SSBP2: variants seen among roughly 807,000 people sequenced by gnomAD.
The protein encoded by SSBP2 is single stranded DNA binding protein 2.
SSBP2 carries 17 observed loss-of-function variants against 61.8 expected under a neutral mutation model. That is an observed-to-expected ratio of 0.28 (90% confidence interval 0.19 to 0.41). The LOEUF (loss-of-function observed/expected upper bound fraction) is 0.41. Among genes scored for constraint, SSBP2 ranks in the 10% least tolerant of loss-of-function variants. The pLI, the probability that SSBP2 is intolerant of heterozygous loss-of-function variation, is 1.00. For synonymous variants in SSBP2, 139 were observed against 141.3 expected (o/e 0.98, Z 0.12); for missense variants, 310 against 458.7 (o/e 0.68, Z 2.96).
chr5:81,483,256 C>T (rs1221699925), intron 6 of SSBP2, among the ~76,000 whole-genome samples: 2 of 152,070 alleles, frequency 1.3e-5, no homozygotes, highest in Non-Finnish European at 2.9e-5. Context: ...GGCTAAATGG[C>T]ACTTACTGAC....
chr5:81,444,304 T>A (rs1234735397), intron 12 of SSBP2, among the ~76,000 whole-genome samples: 1 of 152,190 alleles, frequency 6.6e-6, no homozygotes, highest in Non-Finnish European at 1.5e-5. Context: ...TCTGCCTCCA[T>A]GATTTTGTTC....
At chr5:81,649,112 G>A (rs1257114596) in intron 2 of SSBP2, among the ~76,000 whole-genome samples, 1 of 152,084 alleles carries the variant, frequency 6.6e-6, no homozygotes, top group African/African-American at 2.4e-5. Context: ...ACCTAAGTCT[G>A]AATTCTAGTT....
chr5:81,422,850 C>T (rs949871817), intron 16 of SSBP2, among the ~76,000 whole-genome samples: 2 of 152,362 alleles, frequency 1.3e-5, no homozygotes, highest in Admixed American at 6.5e-5. Flanking sequence ...CATTTCATCA[C>T]ATCACATTTC....
intron 5 of SSBP2, among the ~76,000 whole-genome samples, chr5:81,499,486 T>G (rs1300344560): frequency 6.6e-6 from 1 of 152,232 alleles, no homozygotes; most frequent in Non-Finnish European, 1.5e-5. Context: ...AGCTGTCTGC[T>G]GGTCTAATAA....
intron 1 of SSBP2, among the ~76,000 whole-genome samples, chr5:81,672,696 T>C (rs13360410): frequency 0.053 from 7,994 of 151,952 alleles, 421 homozygotes; most frequent in African/African-American, 0.13. Flanking sequence ...CTCGGCATCC[T>C]GTGTAGCTGG....
chr5:81,419,070 G>A lies in SSBP2; in HGVS notation c.*1434C>T, dbSNP rs1027224331. 4.6e-5 allele frequency: 7 copies of A among 152,268 alleles called. No individual in the cohort carries two copies. Among genetic ancestry groups the A allele is most frequent in the African/African-American group, 1.4e-4 (6 of 41,552 alleles). The allele number at this position is 152,268 out of a possible 1,614,324, so 9.4% of individuals were successfully genotyped here. Reference sequence around the variant, plus strand: ...CATATCTTTCTATTGTGATTTTGGTGTATGTATGTATAATTAAGCACAAAA... The same window carrying A: ...CATATCTTTCTATTGTGATTTTGGTATATGTATGTATAATTAAGCACAAAA... On this transcript the variant is annotated 3_prime_UTR_variant, in exon 17 of 17. Transcript: ENST00000320672.
intron 4 of SSBP2, among the ~76,000 whole-genome samples, chr5:81,581,694 A>C (rs1774662099): frequency 6.6e-6 from 1 of 152,224 alleles, no homozygotes; most frequent in Admixed American, 6.5e-5. Context: ...GAAAAAAACT[A>C]GGAAGAATAG....
chr5:81,682,335 C>T (rs574799477), intron 1 of SSBP2, among the ~76,000 whole-genome samples: 11 of 152,250 alleles, frequency 7.2e-5, no homozygotes, highest in African/African-American at 2.6e-4. Context: ...TTATACAGCA[C>T]AGAACCAACT....
intron 2 of SSBP2, among the ~76,000 whole-genome samples, chr5:81,637,989 A>G (rs1343983945): frequency 6.6e-6 from 1 of 152,036 alleles, no homozygotes; most frequent in African/African-American, 2.4e-5. Context: ...CATTCTCAGC[A>G]AACTTTCGCA....
chr5:81,577,840 T>C (rs954874505), intron 4 of SSBP2, among the ~76,000 whole-genome samples: 1 of 151,914 alleles, frequency 6.6e-6, no homozygotes, highest in African/African-American at 2.4e-5. Flanking sequence ...TTATTGAAAA[T>C]AGTGGAAGCA....
chr5:81,670,000 A>G (rs1751473104), intron 1 of SSBP2, among the ~76,000 whole-genome samples: 1 of 152,124 alleles, frequency 6.6e-6, no homozygotes, highest in Non-Finnish European at 1.5e-5. Flanking sequence ...AGTGGTTACC[A>G]GGAGTTAGGG....
intron 5 of SSBP2, among the ~76,000 whole-genome samples, chr5:81,490,030 TAA>T (rs74271580): frequency 5.1e-5 from 7 of 135,978 alleles, no homozygotes; most frequent in African/African-American, 8.1e-5. Flanking sequence ...TTTCATTTCT[TAA>T]AAAAAAAAAA....
At chr5:81,520,884 T>C (rs575257806) in intron 4 of SSBP2, among the ~76,000 whole-genome samples, 1 of 152,240 alleles carries the variant, frequency 6.6e-6, no homozygotes, top group South Asian at 2.1e-4. Flanking sequence ...TGTTTATCTT[T>C]ACTGTGGATT....
At chr5:81,578,799 T>C (rs1222451093) in intron 4 of SSBP2, among the ~76,000 whole-genome samples, 1 of 151,900 alleles carries the variant, frequency 6.6e-6, no homozygotes, top group Admixed American at 6.6e-5. Flanking sequence ...TTTTCTAGAC[T>C]TCTGTTCTTT....
intron 1 of SSBP2, among the ~76,000 whole-genome samples, chr5:81,722,399 T>G (rs1207109221): frequency 6.7e-6 from 1 of 150,332 alleles, no homozygotes; most frequent in African/African-American, 2.4e-5. Flanking sequence ...ATAATTTTGT[T>G]TTTTTTTTTT....
intron 1 of SSBP2, among the ~76,000 whole-genome samples, chr5:81,731,001 A>G (rs1756227470): frequency 6.6e-6 from 1 of 152,230 alleles, no homozygotes; most frequent in Non-Finnish European, 1.5e-5. Flanking sequence ...GTATATTCAC[A>G]TTGTTGTGAA....
intron 15 of SSBP2, 82 bp downstream of exon 15, chr5:81,437,348 G>T: frequency 1.5e-6 from 2 of 1,352,604 alleles, no homozygotes; most frequent in East Asian, 2.4e-5. Context: ...AACAAAATTC[G>T]TAAATTTACT....
At chr5:81,506,862 G>T (rs1002265626) in intron 5 of SSBP2, among the ~76,000 whole-genome samples, 19 of 151,792 alleles carry the variant, frequency 1.3e-4, no homozygotes, top group Non-Finnish European at 2.7e-4. Context: ...TTTTAGTTTT[G>T]AGTGTCATAT....
At chr5:81,723,395 T>A (rs1755669442) in intron 1 of SSBP2, among the ~76,000 whole-genome samples, 2 of 152,008 alleles carry the variant, frequency 1.3e-5, no homozygotes, top group African/African-American at 4.8e-5. Flanking sequence ...CAACTCCATT[T>A]TTCTCTTGCT....
Sources: gnomAD v4.1 joint callset for allele counts (sites outside exome capture counted in the v4.1 genomes callset) on GRCh38, gnomAD v4.1.1 for gene constraint, MANE v1.5 for transcripts, NCBI Gene and HGNC (gene_info 2026-07-23, HGNC 2026-07-21) for gene names.